Variants in METTL21A observed in about 807,000 individuals in gnomAD.
The protein encoded by METTL21A is methyltransferase 21A, HSPA lysine, also known as protein N-lysine methyltransferase METTL21A.
In METTL21A, 22 loss-of-function variants were observed where a neutral mutation model predicts 20.9. The observed-to-expected ratio is 1.05, with a 90% CI of 0.75 to 1.50. METTL21A has a LOEUF of 1.50. Ranked by LOEUF, METTL21A falls within the 40% of genes most tolerant of loss-of-function variation. METTL21A has a pLI of 0.00. For synonymous variants in METTL21A, 93 were observed against 102.0 expected (o/e 0.91, Z 0.53); for missense variants, 271 against 266.8 (o/e 1.02, Z -0.11).
At chr2:207,586,618 C>A (rs1421668096) in intron 3 of METTL21A, among the ~76,000 whole-genome samples, 1 of 152,098 alleles carries the variant, frequency 6.6e-6, no homozygotes, top group East Asian at 1.9e-4. Context: ...AGTGAAGAGA[C>A]AACCTGCAGA....
At chr2:207,591,189 C>T (rs1484654104) in intron 3 of METTL21A, among the ~76,000 whole-genome samples, 2 of 152,168 alleles carry the variant, frequency 1.3e-5, no homozygotes, top group Non-Finnish European at 2.9e-5. Context: ...TGAGACTCTA[C>T]TTAGTCTATC....
chr2:207,625,824 A>T (rs1575176176), upstream of METTL21A: 2 of 152,150 alleles, frequency 1.3e-5, no homozygotes, highest in South Asian at 4.1e-4. Flanking sequence ...AGGCATGGTC[A>T]CTCTAGTCCC....
intron 3 of METTL21A, among the ~76,000 whole-genome samples, chr2:207,584,334 A>G (rs1205905447): frequency 1.3e-5 from 2 of 151,990 alleles, no homozygotes; most frequent in African/African-American, 4.8e-5. Flanking sequence ...TGTCAGGTTT[A>G]TTGTTTGTCC....
intron 3 of METTL21A, chr2:207,602,731 GTGTA>G (rs1262307184): frequency 1.2e-4 from 26 of 210,764 alleles, no homozygotes; most frequent in African/African-American, 5.4e-4. Context: ...ACTCCAATTT[GTGTA>G]TGTAATAAAA....
intron 1 of METTL21A, 48 bp from the exon 2 acceptor site, chr2:207,624,452 T>G: frequency 6.7e-7 from 1 of 1,490,158 alleles, no homozygotes; most frequent in Non-Finnish European, 9.0e-7. Flanking sequence ...AAAGATACAT[T>G]ATCTGTTCTT....
chr2:207,609,223 T>C (rs1459083320), downstream of METTL21A: 87 of 152,342 alleles, frequency 5.7e-4, 1 homozygote, highest in East Asian at 1.3e-3. Flanking sequence ...GAAGAGAACG[T>C]CCTGTTTTTA....
In METTL21A at chr2:207,620,761, T is replaced by A. The variant is rs2090389382; in HGVS notation, c.259+1045A>T. 7 of 1,448,472 alleles carry A rather than the reference T, an allele frequency of 4.8e-6. No homozygotes were observed. In the South Asian group the frequency reaches 9.1e-5, roughly 19 times the overall value. The allele number at this position is 1,448,472 out of a possible 1,614,324, so 89.7% of individuals were successfully genotyped here. On this transcript the variant is annotated intron_variant, in intron 3 of 3. Coordinates refer to ENST00000406927, the Ensembl canonical transcript of METTL21A. ...GACTTTCAACCACCACCCCTGCCCATGCTCCCTGTCGAATTTTGGAAAGCA... is the reference window on the plus strand; with the variant it reads ...GACTTTCAACCACCACCCCTGCCCAAGCTCCCTGTCGAATTTTGGAAAGCA...
intron 3 of METTL21A, chr2:207,582,912 A>G: frequency 4.2e-6 from 1 of 237,102 alleles, no homozygotes; most frequent in Non-Finnish European, 8.4e-6. Context: ...CAAACAAACA[A>G]AAAAAAATAT....
At chr2:207,620,720 T>A in intron 3 of METTL21A, 1 of 1,529,848 alleles carries the variant, frequency 6.5e-7, no homozygotes, top group Non-Finnish European at 8.7e-7. Context: ...GACGGAAACC[T>A]CTGTCAATTT....
At chr2:207,596,764 A>G (rs2086256195) in intron 3 of METTL21A, 6 of 950,886 alleles carry the variant, frequency 6.3e-6, no homozygotes, top group South Asian at 5.2e-5. Context: ...GTAATTTCCA[A>G]GTAATTCTGT....
In METTL21A at chr2:207,624,410, G is replaced by A. The variant is rs201671407; in HGVS notation, c.-29-6C>T. 5.1e-4 allele frequency: 814 copies of A among 1,592,850 alleles called. No homozygotes were observed. The highest frequency in any genetic ancestry group is 9.8e-4 in the Admixed American group (54 of 55,082). On this transcript the variant is annotated splice_polypyrimidine_tract_variant and splice_region_variant and intron_variant, in intron 1 of 3. Transcript: ENST00000406927. ...ACCCCGCCCTCTGCTCAGACCTGCCGTGCAAAAGAATCCTGGGTGACGCTC... is the reference window on the plus strand; with the variant it reads ...ACCCCGCCCTCTGCTCAGACCTGCCATGCAAAAGAATCCTGGGTGACGCTC...
At chr2:207,608,902 G>A (rs922583464), downstream of METTL21A, among the ~76,000 whole-genome samples, 27 of 152,220 alleles carry the variant, frequency 1.8e-4, no homozygotes, top group African/African-American at 6.0e-4. Flanking sequence ...CTCCAGCCTG[G>A]GTGACAGAGC....
At chr2:207,592,233 C>T (rs962454422) in intron 3 of METTL21A, among the ~76,000 whole-genome samples, 2 of 151,936 alleles carry the variant, frequency 1.3e-5, no homozygotes, top group Non-Finnish European at 2.9e-5. Context: ...TGGTGAAACC[C>T]TCTCTCTACT....
In METTL21A at chr2:207,593,253, C is replaced by T. The variant is rs958248120; in HGVS notation, c.260-11093G>A. ...TTAAAATTTGTATCAAGGCTGGGTG[C>T]GGTGGCTCATGCCTGTAATCCCAGC... On this transcript the variant is annotated intron_variant, in intron 3 of 3. Coordinates refer to the METTL21A transcript ENST00000425132. Among the ~76,000 whole-genome samples, 6 of 152,076 alleles carry T rather than the reference C, an allele frequency of 3.9e-5. No individual in the cohort carries two copies. In the South Asian group the frequency reaches 6.2e-4, roughly 16 times the overall value.
At chr2:207,587,637 G>C (rs1017706023) in intron 3 of METTL21A, among the ~76,000 whole-genome samples, 1 of 152,180 alleles carries the variant, frequency 6.6e-6, no homozygotes, top group Non-Finnish European at 1.5e-5. Context: ...TACATCATTT[G>C]TGGCCATGTG....
chr2:207,582,845 A>G (rs1285959829), intron 3 of METTL21A: 2 of 340,934 alleles, frequency 5.9e-6, no homozygotes, highest in Non-Finnish European at 1.2e-5. Context: ...GTGAGCTGAG[A>G]TGGCACTACT....
chr2:207,621,295 C>G (rs530163076), intron 3 of METTL21A, among the ~76,000 whole-genome samples: 1 of 152,138 alleles, frequency 6.6e-6, no homozygotes, highest in Non-Finnish European at 1.5e-5. Context: ...ACTGTTCATA[C>G]AATTTTAAAA....
chr2:207,619,883 A>C (rs901091165), intron 3 of METTL21A, among the ~76,000 whole-genome samples: 1 of 152,194 alleles, frequency 6.6e-6, no homozygotes, highest in Non-Finnish European at 1.5e-5. Context: ...CTGTGGAGTA[A>C]ATATTACTAT....
At chr2:207,601,420 A>G (rs534786740) in intron 3 of METTL21A, 1 of 188,842 alleles carries the variant, frequency 5.3e-6, no homozygotes, top group South Asian at 1.9e-4. Context: ...AGCCTTAAAA[A>G]CAGCTGTAAA....
Sources: allele counts gnomAD v4.1 joint callset (sites outside exome capture counted in the v4.1 genomes callset), GRCh38; gene constraint gnomAD v4.1.1; transcripts MANE v1.5; gene names NCBI Gene and HGNC (gene_info 2026-07-23, HGNC 2026-07-21).